Variants in IGSF9B observed in about 807,000 individuals in gnomAD.
The protein encoded by IGSF9B is immunoglobulin superfamily member 9B.
In IGSF9B, 48 loss-of-function variants were observed where a neutral mutation model predicts 143.7. That is an observed-to-expected ratio of 0.33 (90% confidence interval 0.26 to 0.42). The LOEUF is 0.42. IGSF9B is among the 20% of genes least tolerant of loss of function. IGSF9B has a pLI of 1.00. For missense variants in IGSF9B, 1,706 were observed against 1,980.0 expected (o/e 0.86, Z 2.63); for synonymous variants, 903 against 833.1 (o/e 1.08, Z -1.44).
At chr11:133,950,379 A>G (rs1940135590) in intron 1 of IGSF9B, among the ~76,000 whole-genome samples, 1 of 152,132 alleles carries the variant, frequency 6.6e-6, no homozygotes, top group Admixed American at 6.5e-5. Flanking sequence ...AACGCAGGGA[A>G]TCTCAGTCCC....
chr11:133,914,431 A>G (rs1362524951), intron 18 of IGSF9B, among the ~76,000 whole-genome samples: 1 of 152,204 alleles, frequency 6.6e-6, no homozygotes, highest in African/African-American at 2.4e-5. Context: ...AACGTACTTG[A>G]GGCGAGCACT....
Position 133,931,708 on chromosome 11 carries a change from A to G in IGSF9B, c.1198T>C (p.Tyr400His). ...TGGCCCATGGTCCCCAGAGTGTTGT[A>G]AGGCACACAGGTATAAGTGCCAAGA... ...EALGTYTCVP[Y>H]NTLGTMGQSA... is the part of the protein sequence containing the mutation. The change falls in exon 9 of 20, where the codon TAC becomes CAC. Residue 400 changes from tyrosine (Y) to histidine (H), a missense_variant. By Grantham distance (83) the Tyr-to-His change is moderately conservative. Coordinates refer to ENST00000533871, the MANE Select transcript of IGSF9B (RefSeq NM_001277285.4). This position sits in a 1 kb window ranked among gnomAD's most constrained non-coding sequence, Gnocchi z 7.7. 6.2e-7 allele frequency: 1 copy of G among 1,612,266 alleles called. No individual in the cohort carries two copies. The highest frequency in any genetic ancestry group is 8.5e-7 in the Non-Finnish European group (1 of 1,179,408).
intron 1 of IGSF9B, among the ~76,000 whole-genome samples, chr11:133,955,530 T>C (rs1185948858): frequency 6.6e-6 from 1 of 152,156 alleles, no homozygotes; most frequent in Non-Finnish European, 1.5e-5. Flanking sequence ...GAGAGGGTTC[T>C]CTGTCGGCGA....
intron 3 of IGSF9B, among the ~76,000 whole-genome samples, chr11:133,943,077 G>C (rs1319902170): frequency 6.6e-6 from 1 of 152,104 alleles, no homozygotes; most frequent in Admixed American, 6.5e-5. Flanking sequence ...GCCACCCTTC[G>C]GAGCAGATAA....
Position 133,913,761 on chromosome 11 carries a change from G to A in IGSF9B, c.3984-1754C>T, listed in dbSNP as rs1049671809. On this transcript the variant is annotated intron_variant, in intron 18 of 19. Coordinates refer to ENST00000533871, the MANE Select transcript of IGSF9B (RefSeq NM_001277285.4). The surrounding 1 kb of genome is among the most constrained non-coding windows in gnomAD (Gnocchi z 4.6). ...AGACAAAGGGTGCAGGTGCCCGGGC[G>A]GGAGGCAGCACACCTTCCCAGTGTG... 2.6e-5 allele frequency among the ~76,000 whole-genome samples: 4 copies of A among 152,200 alleles called. No homozygotes were observed. The highest frequency in any genetic ancestry group is 2.1e-4 in the South Asian group (1 of 4,832).
chr11:133,946,343 A>C (rs1591725375), intron 1 of IGSF9B, 85 bp from the exon 2 acceptor site: 1 of 1,202,606 alleles, frequency 8.3e-7, no homozygotes, highest in Non-Finnish European at 1.2e-6. Context: ...TCACAGGGTC[A>C]CCCCGCCCCC....
chr11:133,907,505 C>G lies in IGSF9B; in HGVS notation c.*1564G>C, dbSNP rs1207553999. On this transcript the variant is annotated 3_prime_UTR_variant, in exon 20 of 20. Transcript: ENST00000533871. ...CAAGGAACCTTCATTCTAAGCCAAGCCAGAAGGGGGGCTCCTACACAAGAG... is the reference window on the plus strand; with the variant it reads ...CAAGGAACCTTCATTCTAAGCCAAGGCAGAAGGGGGGCTCCTACACAAGAG... 6.6e-6 allele frequency among the ~76,000 whole-genome samples: 1 copy of G among 152,182 alleles called. No individual in the cohort carries two copies. The highest frequency in any genetic ancestry group is 6.5e-5 in the Admixed American group (1 of 15,284).
intron 15 of IGSF9B, among the ~76,000 whole-genome samples, chr11:133,923,283 G>A (rs1939574205): frequency 6.6e-6 from 1 of 152,190 alleles, no homozygotes; most frequent in Admixed American, 6.5e-5. Context: ...GATAAAATAC[G>A]ACTGCAGGAA....
rs1939190691 is a variant in IGSF9B at position 133,904,993 on chromosome 11, G to A, written c.*4076C>T. On this transcript the variant is annotated 3_prime_UTR_variant, in exon 20 of 20. Transcript: ENST00000533871. ...ATGAAGAAGATACCCAGGCAGGGCT[G>A]GGTTAGAAGCCCCGGTGGGAATGTG... Among the ~76,000 whole-genome samples, 1 of 150,164 alleles carries A rather than the reference G, an allele frequency of 6.7e-6. No homozygotes were observed. Among genetic ancestry groups the A allele is most frequent in the Non-Finnish European group, 1.5e-5 (1 of 67,754 alleles).
At position 133,945,100 on chromosome 11, in the gene IGSF9B, C is replaced by A. The variant is rs1033640064; in HGVS notation, c.263-734G>T. Among the ~76,000 whole-genome samples, 1 of 152,168 alleles carries A rather than the reference C, an allele frequency of 6.6e-6. No individual in the cohort carries two copies. Among genetic ancestry groups the A allele is most frequent in the African/African-American group, 2.4e-5 (1 of 41,432 alleles). On this transcript the variant is annotated intron_variant, in intron 2 of 19. Transcript: ENST00000533871. This position sits in a 1 kb window ranked among gnomAD's most constrained non-coding sequence, Gnocchi z 4.6. The stretch of plus-strand genomic sequence containing the variant: ...GATGCCATCTGTGTCTCACATGTGG[C>A]AATGAGGAGGCCAGAGGTGCAGAAG...
Position 133,935,651 on chromosome 11 carries a change from G to C in IGSF9B, c.933C>G (p.Arg311=). ...TCAGGTACGCCGAGGCGGAGGGGGA[G>C]CGCCCCAGGCTGTTGCTGGGCACAC... ...YTCVPSNSLG[R]SPSASAYLTV... The change falls in exon 7 of 20, where the codon CGC becomes CGG. Residue 311 remains arginine (R), a synonymous_variant. Transcript: ENST00000533871. The C allele has an allele frequency of 1.2e-6, 2 of 1,610,502 alleles. No individual in the cohort carries two copies. The highest frequency in any genetic ancestry group is 8.5e-7 in the Non-Finnish European group (1 of 1,178,702).
chr11:133,899,315 T>G lies in IGSF9B; in HGVS notation c.*9754A>C, dbSNP rs1939077911. The G allele has an allele frequency of 6.6e-6, 1 of 152,472 alleles. No individual in the cohort carries two copies. Among genetic ancestry groups the G allele is most frequent in the Non-Finnish European group, 1.5e-5 (1 of 68,134 alleles). 9.4% of individuals were successfully genotyped at this position (152,472 alleles called of 1,614,324 possible). ...TCCCAGGCCTCCTCCTTACTCCACA[T>G]AAAGCTGATCTCAATGACCTTTGCT... On this transcript the variant is annotated 3_prime_UTR_variant, in exon 20 of 20. Coordinates refer to ENST00000533871, the MANE Select transcript of IGSF9B (RefSeq NM_001277285.4).
In IGSF9B at chr11:133,956,931, G is replaced by C. The variant is rs2121359734; in HGVS notation, c.-177C>G. ...CCTCCTAGGCTCCGCTCGGCTCGGC[G>C]CGCGCCTCCCCGGCCCCGGCGCAGC... On this transcript the variant is annotated 5_prime_UTR_variant, in exon 1 of 20. Coordinates refer to ENST00000533871, the MANE Select transcript of IGSF9B (RefSeq NM_001277285.4). 1 of 384,538 alleles carries C rather than the reference G, an allele frequency of 2.6e-6. No individual in the cohort carries two copies. The highest frequency in any genetic ancestry group is 1.3e-4 in the South Asian group (1 of 7,834). 23.8% of individuals were successfully genotyped at this position (384,538 alleles called of 1,614,324 possible). A position where few individuals can be genotyped will look rare whatever the true frequency, so the allele number is the denominator to read the frequency against.
intron 1 of IGSF9B, among the ~76,000 whole-genome samples, chr11:133,949,237 T>G (rs904182245): frequency 1.3e-5 from 2 of 152,186 alleles, no homozygotes; most frequent in African/African-American, 4.8e-5. Flanking sequence ...GGCGCCCATG[T>G]CCTGGCCTCC....
rs1171334159 is a variant in IGSF9B, at chr11:133,956,819, CGCGCCCGA to C, written c.-73_-66del. The C allele has an allele frequency of 9.7e-6, 10 of 1,036,186 alleles. No individual in the cohort carries two copies. Among genetic ancestry groups the C allele is most frequent in the South Asian group, 9.2e-5 (3 of 32,476 alleles). 64.2% of individuals were successfully genotyped at this position (1,036,186 alleles called of 1,614,324 possible). Reference sequence around the variant, plus strand: ...AGTGCTCCCGCGCCCGCACGCGCCTCGCGCCCGAGCGCCCGCCTCGCGCCCGCCTCGCG... The same window carrying C: ...AGTGCTCCCGCGCCCGCACGCGCCTCGCGCCCGCCTCGCGCCCGCCTCGCG... On this transcript the variant is annotated 5_prime_UTR_variant, in exon 1 of 20. Transcript: ENST00000533871.
In IGSF9B at chr11:133,922,478, A is replaced by AG. The variant is rs1200584911; in HGVS notation, c.2281+90dup. On this transcript the variant is annotated intron_variant, in intron 16 of 19. Transcript: ENST00000533871. ...CAAGATCTCAATGTCCCTATTTCCA[A>AG]GGGGGGCCATGCTAAAAATGGTCCA... 43 of 1,291,514 alleles carry AG rather than the reference A, an allele frequency of 3.3e-5. No individual in the cohort carries two copies. In the East Asian group the frequency reaches 8.4e-4, roughly 25 times the overall value. The allele number at this position is 1,291,514 out of a possible 1,614,324, so 80.0% of individuals were successfully genotyped here. A position where few individuals can be genotyped will look rare whatever the true frequency, so the allele number is the denominator to read the frequency against.
chr11:133,920,192 C>T lies in IGSF9B; in HGVS notation c.3533G>A (p.Arg1178Gln), dbSNP rs1345045974. ...GCGCCTGGCCTGCCGAGGGCTAGGC[C>T]GGGGCCGGGGCTGGGGCTCATACCA... Reference protein sequence around the residue: ...TRWYEPQPRPRPSPRQARRAE... With the variant: ...TRWYEPQPRPQPSPRQARRAE... The change falls in exon 18 of 20, where the codon CGG (arginine) becomes CAG (glutamine). Residue 1178 changes from arginine to glutamine, a missense_variant. Arg to Gln is a conservative substitution (Grantham distance 43, BLOSUM62 1). Transcript: ENST00000533871. 8 of 1,512,662 alleles carry T rather than the reference C, an allele frequency of 5.3e-6. No individual in the cohort carries two copies. Among genetic ancestry groups the T allele is most frequent in the South Asian group, 2.7e-5 (2 of 74,698 alleles). 93.7% of individuals were successfully genotyped at this position (1,512,662 alleles called of 1,614,324 possible).
At chr11:133,951,474 C>G (rs78668971) in intron 1 of IGSF9B, among the ~76,000 whole-genome samples, 5,984 of 152,350 alleles carry the variant, frequency 0.039, 407 homozygotes, top group African/African-American at 0.14. Context: ...CTCCTTCCTT[C>G]TGCGGGGGCC....
chr11:133,903,794 GA>G lies in IGSF9B; in HGVS notation c.*5274del, dbSNP rs1432339198. On this transcript the variant is annotated 3_prime_UTR_variant, in exon 20 of 20. Transcript: ENST00000533871. Reference sequence around the variant, plus strand: ...GACAGGAACCCAGAAATAAGGCTCTGAACCAGTGTGGATTCACTCGCAGTCA... The same window carrying G: ...GACAGGAACCCAGAAATAAGGCTCTGACCAGTGTGGATTCACTCGCAGTCA... Among the ~76,000 whole-genome samples, 1 of 152,186 alleles carries G rather than the reference GA, an allele frequency of 6.6e-6. No individual in the cohort carries two copies. Among genetic ancestry groups the G allele is most frequent in the Non-Finnish European group, 1.5e-5 (1 of 68,024 alleles).
Sources: allele counts gnomAD v4.1 joint callset (sites outside exome capture counted in the v4.1 genomes callset), GRCh38; gene constraint gnomAD v4.1.1; non-coding constraint Gnocchi (gnomAD v3.1); transcripts MANE v1.5; gene names NCBI Gene and HGNC (gene_info 2026-07-23, HGNC 2026-07-21).